Variants in NRXN3 observed in about 807,000 individuals in gnomAD.
The protein encoded by NRXN3 is neurexin 3.
Under a neutral mutation model 137.6 loss-of-function variants are expected in NRXN3, and 32 were observed. That is an observed-to-expected ratio of 0.23 (90% CI 0.18 to 0.31). The LOEUF (loss-of-function observed/expected upper bound fraction) is 0.31, where lower values mean the gene tolerates loss of function less well. NRXN3 is among the 10% of genes least tolerant of loss of function. The pLI is 1.00. For synonymous variants in NRXN3, 798 were observed against 784.5 expected (o/e 1.02, Z -0.29); for missense variants, 1,574 against 2,062.5 (o/e 0.76, Z 4.59).
At chr14:79,673,027 A>G (rs2098618848) in intron 17 of NRXN3, among the ~76,000 whole-genome samples, 1 of 152,092 alleles carries the variant, frequency 6.6e-6, no homozygotes, top group Admixed American at 6.5e-5. Context: ...AAGGTGCTCT[A>G]TACTGTAAAT....
At chr14:78,617,146 A>T (rs899981977) in intron 4 of NRXN3, among the ~76,000 whole-genome samples, 16 of 152,284 alleles carry the variant, frequency 1.1e-4, no homozygotes, top group Non-Finnish European at 1.8e-4. Flanking sequence ...TTTCCTGAAG[A>T]ATACCATCAG....
chr14:79,060,007 G>T (rs2099672231), intron 15 of NRXN3, among the ~76,000 whole-genome samples: 1 of 152,102 alleles, frequency 6.6e-6, no homozygotes, highest in Non-Finnish European at 1.5e-5. Context: ...GAATTTTTTT[G>T]GGTGAACCCA....
At chr14:78,676,246 G>A (rs917858200) in intron 6 of NRXN3, among the ~76,000 whole-genome samples, 1 of 152,166 alleles carries the variant, frequency 6.6e-6, no homozygotes, top group South Asian at 2.1e-4. Flanking sequence ...AGTTAAGATA[G>A]GCTGAAAGCT....
chr14:79,393,102 T>A (rs2094908180), intron 15 of NRXN3, among the ~76,000 whole-genome samples: 1 of 152,066 alleles, frequency 6.6e-6, no homozygotes, highest in Admixed American at 6.6e-5. Flanking sequence ...AGGTAATCTT[T>A]TTACGGTCTG....
chr14:78,413,292 GT>G (rs1444358388), intron 4 of NRXN3, among the ~76,000 whole-genome samples: 2 of 152,128 alleles, frequency 1.3e-5, no homozygotes, highest in Non-Finnish European at 2.9e-5. Flanking sequence ...AAGTTTGTTT[GT>G]TTGTTTTTTT....
chr14:78,259,152 A>G (rs2070243564), intron 2 of NRXN3, among the ~76,000 whole-genome samples: 1 of 151,452 alleles, frequency 6.6e-6, no homozygotes, highest in Non-Finnish European at 1.5e-5. Context: ...AAAAAGAAAG[A>G]AAAAAAGAAA....
At chr14:79,603,433 TCG>T (rs1268492113) in intron 16 of NRXN3, among the ~76,000 whole-genome samples, 1 of 152,236 alleles carries the variant, frequency 6.6e-6, no homozygotes, top group African/African-American at 2.4e-5. Context: ...TTTATCTATG[TCG>T]TTCCTTCTAC....
chr14:78,347,531 A>T (rs893544065), intron 4 of NRXN3, among the ~76,000 whole-genome samples: 3 of 152,046 alleles, frequency 2.0e-5, no homozygotes, highest in Non-Finnish European at 4.4e-5. Context: ...TCATTCCCCT[A>T]CCCATATTCC....
At chr14:79,184,157 C>T (rs1239202377) in intron 15 of NRXN3, among the ~76,000 whole-genome samples, 1 of 152,154 alleles carries the variant, frequency 6.6e-6, no homozygotes, top group Non-Finnish European at 1.5e-5. Context: ...GATTAGAAAG[C>T]TCCTGCAATG....
At chr14:79,465,504 G>A (rs142003658) in intron 15 of NRXN3, among the ~76,000 whole-genome samples, 27 of 152,302 alleles carry the variant, frequency 1.8e-4, no homozygotes, top group African/African-American at 6.3e-4. Context: ...ATTAGATTCT[G>A]TATGCCTCAG....
rs575574242 is a variant in NRXN3 at position 78,685,374 on chromosome 14, G to C, written c.1222-23843G>C. Among the ~76,000 whole-genome samples the C allele has an allele frequency of 5.3e-5, 8 of 152,194 alleles. No individual in the cohort carries two copies. The East Asian group carries it at 1.5e-3, about 29-fold the overall frequency. On this transcript the variant is annotated intron_variant, in intron 6 of 20. Coordinates refer to ENST00000335750, the MANE Select transcript of NRXN3 (RefSeq NM_001330195.2). The stretch of plus-strand genomic sequence containing the variant: ...TGGCTTTCCATCTTGCTCAGAATCA[G>C]AGCTCAAGTTCTAAAAGGCCTATAA...
At chr14:78,825,128 C>T (rs545753587) in intron 10 of NRXN3, among the ~76,000 whole-genome samples, 4 of 137,748 alleles carry the variant, frequency 2.9e-5, no homozygotes, top group East Asian at 2.3e-4. Context: ...TTCCAGGAGG[C>T]GGAGGTTGCA....
chr14:78,835,929 A>G (rs1427882663), intron 10 of NRXN3, among the ~76,000 whole-genome samples: 1 of 152,110 alleles, frequency 6.6e-6, no homozygotes, highest in African/African-American at 2.4e-5. Flanking sequence ...AGGCTTTTGT[A>G]ATCAAGACTC....
intron 4 of NRXN3, among the ~76,000 whole-genome samples, chr14:78,346,692 G>A (rs1383645971): frequency 1.3e-5 from 2 of 152,138 alleles, no homozygotes; most frequent in Non-Finnish European, 2.9e-5. Flanking sequence ...GTCTGCACCT[G>A]CTCAGATAAC....
At chr14:79,282,427 A>G (rs1444636092) in intron 15 of NRXN3, among the ~76,000 whole-genome samples, 1 of 152,158 alleles carries the variant, frequency 6.6e-6, no homozygotes, top group African/African-American at 2.4e-5. Context: ...AAACAGTTAC[A>G]GCAGATACTA....
intron 4 of NRXN3, among the ~76,000 whole-genome samples, chr14:78,556,003 G>A (rs898406213): frequency 6.6e-6 from 1 of 152,170 alleles, no homozygotes; most frequent in Non-Finnish European, 1.5e-5. Flanking sequence ...CTGTGTGTGA[G>A]GAGCTCTTGT....
At chr14:78,493,247 C>A (rs907710203) in intron 4 of NRXN3, among the ~76,000 whole-genome samples, 5 of 151,216 alleles carry the variant, frequency 3.3e-5, no homozygotes, top group Non-Finnish European at 7.4e-5. Flanking sequence ...AGGGGTCAGG[C>A]ATTGTGGCTC....
Position 79,705,848 on chromosome 14 carries a change from T to C in NRXN3, c.4014+7911T>C, listed in dbSNP as rs546350600. 5.3e-4 allele frequency among the ~76,000 whole-genome samples: 81 copies of C among 152,286 alleles called. No individual in the cohort carries two copies. The South Asian group carries it at 7.9e-3, about 15-fold the overall frequency. Reference sequence around the variant, plus strand: ...GCCTGACATTATAGCTCACATTTATTTGTTTATTGTCCCTATTTAGTAGAT... The same window carrying C: ...GCCTGACATTATAGCTCACATTTATCTGTTTATTGTCCCTATTTAGTAGAT... On this transcript the variant is annotated intron_variant, in intron 19 of 20. Coordinates refer to ENST00000335750, the MANE Select transcript of NRXN3 (RefSeq NM_001330195.2).
At chr14:79,476,192 A>G (rs1000016321) in intron 16 of NRXN3, among the ~76,000 whole-genome samples, 1 of 152,124 alleles carries the variant, frequency 6.6e-6, no homozygotes, top group Non-Finnish European at 1.5e-5. Context: ...AGCTCAGTGT[A>G]TTGATGGGGG....
Sources: gnomAD v4.1 joint callset for allele counts (sites outside exome capture counted in the v4.1 genomes callset) on GRCh38, gnomAD v4.1.1 for gene constraint, MANE v1.5 for transcripts, NCBI Gene and HGNC (gene_info 2026-07-23, HGNC 2026-07-21) for gene names.